PACS2: variants seen among roughly 807,000 people sequenced by gnomAD.
PACS2 encodes PACS1-like protein.
In PACS2, 36 loss-of-function variants were observed where a neutral mutation model predicts 113.0. The observed-to-expected ratio is 0.32, with a 90% CI of 0.24 to 0.42. The LOEUF (loss-of-function observed/expected upper bound fraction) is 0.42. Among genes scored for constraint, PACS2 ranks in the 10% least tolerant of loss-of-function variants. PACS2 has a pLI of 1.00. For missense variants in PACS2, 1,015 were observed against 1,239.5 expected, an observed-to-expected ratio of 0.82 and a Z score of 2.72; for synonymous variants, 589 against 536.1, an observed-to-expected ratio of 1.10 and a Z score of -1.36.
At chr14:105,392,966 G>A (rs1296539490) in intron 23 of PACS2, 121 bp downstream of exon 23, 2 of 778,514 alleles carry the variant, frequency 2.6e-6, no homozygotes, top group Non-Finnish European at 4.2e-6. Flanking sequence ...ACATGCGCAG[G>A]CAGGGGCGGG....
At chr14:105,322,696 A>G (rs587601074) in intron 1 of PACS2, among the ~76,000 whole-genome samples, 2 of 152,248 alleles carry the variant, frequency 1.3e-5, no homozygotes, top group African/African-American at 2.4e-5. Flanking sequence ...GTTACTGTGT[A>G]TCTTAATTGT....
At chr14:105,389,658 C>T (rs895358820) in intron 19 of PACS2, 1 of 434,470 alleles carries the variant, frequency 2.3e-6, no homozygotes, top group Non-Finnish European at 4.3e-6. Flanking sequence ...AGAGTGAATC[C>T]CTCCGTGGAG....
At chr14:105,359,813 G>C (rs2060608617) in intron 4 of PACS2, among the ~76,000 whole-genome samples, 1 of 152,030 alleles carries the variant, frequency 6.6e-6, no homozygotes, top group Admixed American at 6.6e-5. Flanking sequence ...AGATGGTCTC[G>C]ATCTCCTGAC....
chr14:105,394,513 C>T, intron 24 of PACS2, 41 bp from the exon 25 acceptor site: 1 of 1,605,466 alleles, frequency 6.2e-7, no homozygotes, highest in Non-Finnish European at 8.5e-7. Context: ...GGTGGGCAGG[C>T]CGGGCAGGGG....
chr14:105,315,192 G>GC lies in PACS2; in HGVS notation c.119+162dup, dbSNP rs1199474921. 8 of 290,364 alleles carry GC rather than the reference G, an allele frequency of 2.8e-5. No homozygotes were observed. Among genetic ancestry groups the GC allele is most frequent in the East Asian group, 2.8e-4 (2 of 7,098 alleles). 18.0% of individuals were successfully genotyped at this position (290,364 alleles called of 1,614,324 possible). On this transcript the variant is annotated intron_variant, in intron 1 of 24. Coordinates refer to ENST00000447393, the MANE Select transcript of PACS2 (RefSeq NM_001100913.3). The surrounding 1 kb of genome is among the most constrained non-coding windows in gnomAD (Gnocchi z 4.4). The stretch of plus-strand genomic sequence containing the variant: ...CGCCGGTTCGACGCGTGCAGCCGCC[G>GC]CCCCCCCGCAGCTCCGGCAAGCGCG...
chr14:105,366,552 G>A lies in PACS2; in HGVS notation c.424-661G>A, dbSNP rs1469103888. On this transcript the variant is annotated intron_variant, in intron 4 of 24. Transcript: ENST00000447393. This position sits in a 1 kb window ranked among gnomAD's most constrained non-coding sequence, Gnocchi z 4.3. Reference sequence around the variant, plus strand: ...ACAGGTCGTGGCTGCAGGAGGGGCCGGGGCTTGTTCTGCAGCTCCGTGGTT... The same window carrying A: ...ACAGGTCGTGGCTGCAGGAGGGGCCAGGGCTTGTTCTGCAGCTCCGTGGTT... Among the ~76,000 whole-genome samples, 2 of 152,180 alleles carry A rather than the reference G, an allele frequency of 1.3e-5. No individual in the cohort carries two copies. The highest frequency in any genetic ancestry group is 6.5e-5 in the Admixed American group (1 of 15,288).
chr14:105,391,854 A>G, intron 22 of PACS2, 88 bp downstream of exon 22: 2 of 1,328,122 alleles, frequency 1.5e-6, no homozygotes, highest in Non-Finnish European at 2.0e-6. Flanking sequence ...TGTCACATCC[A>G]CCTCCCAGGG....
intron 1 of PACS2, among the ~76,000 whole-genome samples, chr14:105,338,026 C>T (rs1396670480): frequency 6.6e-6 from 1 of 152,212 alleles, no homozygotes; most frequent in Non-Finnish European, 1.5e-5. Context: ...GCCATGCTGT[C>T]TCTGGCCTCC....
At chr14:105,350,913 C>T (rs1303792912) in intron 2 of PACS2, among the ~76,000 whole-genome samples, 1 of 152,214 alleles carries the variant, frequency 6.6e-6, no homozygotes, top group Non-Finnish European at 1.5e-5. Flanking sequence ...GAGAGCCGCG[C>T]TGCCTCTTGC....
In PACS2 at chr14:105,379,847, GA is replaced by G. The variant is rs1555411478; in HGVS notation, c.1050+19del. On this transcript the variant is annotated intron_variant, in intron 10 of 24. Transcript: ENST00000447393. ...CAAGCCCGGTGAGTGGGGCCACACTGATCTCCCAGAGCAGACCGTGGTCTGA... is the reference window on the plus strand; with the variant it reads ...CAAGCCCGGTGAGTGGGGCCACACTGTCTCCCAGAGCAGACCGTGGTCTGA... 12 of 1,606,132 alleles carry G rather than the reference GA, an allele frequency of 7.5e-6. No individual in the cohort carries two copies. The highest frequency in any genetic ancestry group is 1.0e-5 in the Non-Finnish European group (12 of 1,173,754).
chr14:105,338,624 G>A (rs1332234959), intron 1 of PACS2, among the ~76,000 whole-genome samples: 6 of 152,066 alleles, frequency 3.9e-5, no homozygotes, highest in African/African-American at 7.2e-5. Flanking sequence ...CTCACCTCCC[G>A]TTCCCAGGTC....
In PACS2 at chr14:105,329,468, C is replaced by G. The variant is rs2059222945; in HGVS notation, c.119+14431C>G. Among the ~76,000 whole-genome samples, 1 of 152,172 alleles carries G rather than the reference C, an allele frequency of 6.6e-6. No individual in the cohort carries two copies. The highest frequency in any genetic ancestry group is 1.5e-5 in the Non-Finnish European group (1 of 68,028). On this transcript the variant is annotated intron_variant, in intron 1 of 24. Coordinates refer to ENST00000447393, the MANE Select transcript of PACS2 (RefSeq NM_001100913.3). This position sits in a 1 kb window ranked among gnomAD's most constrained non-coding sequence, Gnocchi z 6.4. The stretch of plus-strand genomic sequence containing the variant: ...TCCTGAGTCCAAACTGGCTGAGAGT[C>G]AAGGGGGTGTTCAGGGCCTCCAGGA...
chr14:105,362,342 T>G (rs1377142892), intron 4 of PACS2, among the ~76,000 whole-genome samples: 57 of 145,192 alleles, frequency 3.9e-4, no homozygotes, highest in Admixed American at 4.9e-4. Flanking sequence ...GGTGTGAACC[T>G]GGAGGTGGAG....
At chr14:105,362,529 T>A (rs193280987) in intron 4 of PACS2, among the ~76,000 whole-genome samples, 61 of 152,144 alleles carry the variant, frequency 4.0e-4, no homozygotes, top group African/African-American at 1.4e-3. Context: ...AGCTATAGCC[T>A]TATGAATGAA....
At chr14:105,369,793 G>T (rs1650543118) in intron 7 of PACS2, 48 bp from the exon 8 acceptor site, 11 of 1,487,114 alleles carry the variant, frequency 7.4e-6, no homozygotes, top group Non-Finnish European at 1.0e-5. Context: ...CCAGCGGCGG[G>T]TCTGCAGCTC....
chr14:105,358,081 GC>G lies in PACS2; in HGVS notation c.423+2905del, dbSNP rs2060524757. Among the ~76,000 whole-genome samples the G allele has an allele frequency of 6.6e-6, 1 of 152,226 alleles. No homozygotes were observed. The highest frequency in any genetic ancestry group is 6.5e-5 in the Admixed American group (1 of 15,288). On this transcript the variant is annotated intron_variant, in intron 4 of 24. Transcript: ENST00000447393. The surrounding 1 kb of genome is among the most constrained non-coding windows in gnomAD (Gnocchi z 4.9). ...GGTGCACACGCAGGGGGCAGGAGGG[GC>G]TGGGAGCAGCCTGGGCCCCTGCCAC...
upstream of PACS2, among the ~76,000 whole-genome samples, chr14:105,312,902 G>A (rs1482770564): frequency 1.3e-5 from 2 of 152,144 alleles, no homozygotes; most frequent in Non-Finnish European, 2.9e-5. Context: ...GGGTTCTTCG[G>A]GCCACTCTGG....
intron 15 of PACS2, 159 bp from the exon 16 acceptor site, chr14:105,383,200 G>T: frequency 1.2e-6 from 1 of 825,218 alleles, no homozygotes; most frequent in Non-Finnish European, 2.1e-6. Flanking sequence ...GGGCACGTTT[G>T]GGCATGTGGG....
chr14:105,369,134 C>T (rs1423197720), intron 7 of PACS2, among the ~76,000 whole-genome samples: 1 of 152,232 alleles, frequency 6.6e-6, no homozygotes, highest in Non-Finnish European at 1.5e-5. Flanking sequence ...ATGGGCACAG[C>T]CCAGCCCGGA....
Sources: allele counts gnomAD v4.1 joint callset (sites outside exome capture counted in the v4.1 genomes callset), GRCh38; gene constraint gnomAD v4.1.1; non-coding constraint Gnocchi (gnomAD v3.1); transcripts MANE v1.5; gene names NCBI Gene and HGNC (gene_info 2026-07-23, HGNC 2026-07-21).